SNX31: variants seen among roughly 807,000 people sequenced by gnomAD.
The protein encoded by SNX31 is sorting nexin-31.
A neutral mutation model predicts 65.4 loss-of-function variants in SNX31; 58 were observed. The observed-to-expected ratio is 0.89, with a 90% CI of 0.72 to 1.10. The LOEUF (loss-of-function observed/expected upper bound fraction) is 1.10, where lower values mean the gene tolerates loss of function less well. SNX31 is among the 50% of genes least tolerant of loss of function. SNX31 has a pLI of 0.00. For synonymous variants in SNX31, 181 were observed against 190.1 expected, an observed-to-expected ratio of 0.95 and a Z score of 0.39; for missense variants, 523 against 529.7, an observed-to-expected ratio of 0.99 and a Z score of 0.12.
chr8:100,657,895 TAACAACAACAAC>T (rs141104557), intron 1 of SNX31: 242 of 359,902 alleles, frequency 6.7e-4, no homozygotes, highest in African/African-American at 4.7e-3. Flanking sequence ...AAACAAAAAA[TAACAACAACAAC>T]AACAACAACA....
At chr8:100,657,919 C>A (rs929362649) in intron 1 of SNX31, 10 of 351,184 alleles carry the variant, frequency 2.8e-5, no homozygotes, top group Non-Finnish European at 4.4e-5. Context: ...ACAACAACAA[C>A]AAACAACTAA....
At chr8:100,600,232 A>T (rs1315133630) in intron 9 of SNX31, 117 bp downstream of exon 9, 3 of 774,176 alleles carry the variant, frequency 3.9e-6, no homozygotes, top group Non-Finnish European at 6.5e-6. Flanking sequence ...TTATTTTTTT[A>T]AAAAGAGCCC....
In SNX31 at chr8:100,588,133, AG is replaced by A. The variant is rs1221628089; in HGVS notation, c.1092+732del. Among the ~76,000 whole-genome samples the A allele has an allele frequency of 6.6e-6, 1 of 152,208 alleles. No individual in the cohort carries two copies. The highest frequency in any genetic ancestry group is 1.5e-5 in the Non-Finnish European group (1 of 68,036). On this transcript the variant is annotated intron_variant, in intron 11 of 13. Coordinates refer to ENST00000311812, the MANE Select transcript of SNX31 (RefSeq NM_152628.4). The surrounding 1 kb of genome is among the most constrained non-coding windows in gnomAD (Gnocchi z 4.8). Reference sequence around the variant, plus strand: ...GAAACATTAAAAAAAAACATAAAAAAGGTACAGTAAAAATACTGAGTTATAA... The same window carrying A: ...GAAACATTAAAAAAAAACATAAAAAAGTACAGTAAAAATACTGAGTTATAA...
chr8:100,618,423 A>G (rs889513767), intron 4 of SNX31: 9 of 1,008,782 alleles, frequency 8.9e-6, no homozygotes, highest in Non-Finnish European at 1.3e-5. Context: ...AGGTGTTTCC[A>G]TGTAGCAACC....
chr8:100,624,768 G>T (rs1233926456), intron 4 of SNX31, among the ~76,000 whole-genome samples: 2 of 152,036 alleles, frequency 1.3e-5, no homozygotes, highest in African/African-American at 2.4e-5. Flanking sequence ...GAATTGGCTT[G>T]TATAAAAAAA....
chr8:100,660,268 C>T lies in SNX31; in HGVS notation c.-58+2874G>A, dbSNP rs1022646027. 6.6e-6 allele frequency among the ~76,000 whole-genome samples: 1 copy of T among 152,190 alleles called. No homozygotes were observed. The highest frequency in any genetic ancestry group is 2.4e-5 in the African/African-American group (1 of 41,442). On this transcript the variant is annotated intron_variant, in intron 1 of 5. Coordinates refer to the SNX31 transcript ENST00000520352. This position sits in a 1 kb window ranked among gnomAD's most constrained non-coding sequence, Gnocchi z 4.1. ...TAGCAGTAGTAATAATAGTAGAATG[C>T]TGATTTTCAGATTAAAAAACTAAAG... is the stretch of plus-strand genomic sequence containing the variant.
At chr8:100,616,017 GC>G (rs1303263576) in intron 5 of SNX31, among the ~76,000 whole-genome samples, 3 of 151,970 alleles carry the variant, frequency 2.0e-5, no homozygotes, top group African/African-American at 7.3e-5. Flanking sequence ...CTCGTGATCC[GC>G]CCACCTTGGC....
chr8:100,607,373 A>G (rs1166618374), intron 8 of SNX31, among the ~76,000 whole-genome samples: 1 of 152,182 alleles, frequency 6.6e-6, no homozygotes, highest in African/African-American at 2.4e-5. Context: ...GCACCGGCTG[A>G]CCATTCCATG....
At position 100,629,187 on chromosome 8, in the gene SNX31, A is replaced by T. The variant is rs1818259997; in HGVS notation, c.321+1140T>A. Among the ~76,000 whole-genome samples, 1 of 152,200 alleles carries T rather than the reference A, an allele frequency of 6.6e-6. No individual in the cohort carries two copies. Among genetic ancestry groups the T allele is most frequent in the Non-Finnish European group, 1.5e-5 (1 of 68,036 alleles). On this transcript the variant is annotated intron_variant, in intron 4 of 13. Coordinates refer to ENST00000311812, the MANE Select transcript of SNX31 (RefSeq NM_152628.4). This position sits in a 1 kb window ranked among gnomAD's most constrained non-coding sequence, Gnocchi z 5.1. ...TATGTGTGCATGTACATATATATGT[A>T]TATATATGCATGCTTATATATGTGC...
chr8:100,606,449 C>T (rs1254011063), intron 8 of SNX31, among the ~76,000 whole-genome samples: 3 of 152,150 alleles, frequency 2.0e-5, no homozygotes, highest in Non-Finnish European at 4.4e-5. Flanking sequence ...TTTTGATTTG[C>T]CCTCTTAGAA....
At chr8:100,646,806 G>A (rs1196632616) in intron 2 of SNX31, among the ~76,000 whole-genome samples, 1 of 152,144 alleles carries the variant, frequency 6.6e-6, no homozygotes, top group African/African-American at 2.4e-5. Flanking sequence ...GTAAAAGTAT[G>A]TTAGTTTAGG....
At position 100,660,001 on chromosome 8, in the gene SNX31, G is replaced by A. The variant is rs970225972; in HGVS notation, c.-58+3141C>T. ...TATAATGAAAAAGATAATAATAGAA[G>A]GATTAACAATAGATAGAAAAATGAC... On this transcript the variant is annotated intron_variant, in intron 1 of 5. Transcript: ENST00000520352. The surrounding 1 kb of genome is among the most constrained non-coding windows in gnomAD (Gnocchi z 4.1). 1.8e-4 allele frequency among the ~76,000 whole-genome samples: 27 copies of A among 151,432 alleles called. No homozygotes were observed. Among genetic ancestry groups the A allele is most frequent in the Non-Finnish European group, 2.9e-4 (20 of 67,910 alleles).
At position 100,573,079 on chromosome 8, in the gene SNX31, A is replaced by G. The variant is rs1812770243; in HGVS notation, c.*786T>C. ...AAGCTAGATAAGGAAAAACCTTGTG[A>G]GAAAGTATACATATTTTTAAAGCTA... On this transcript the variant is annotated 3_prime_UTR_variant, in exon 14 of 14. Transcript: ENST00000311812. The G allele has an allele frequency of 6.6e-6, 1 of 152,584 alleles. No individual in the cohort carries two copies. 9.5% of individuals were successfully genotyped at this position (152,584 alleles called of 1,614,324 possible). A position where few individuals can be genotyped will look rare whatever the true frequency, so the allele number is the denominator to read the frequency against.
At chr8:100,623,481 C>T (rs1817841687) in intron 4 of SNX31, among the ~76,000 whole-genome samples, 1 of 152,176 alleles carries the variant, frequency 6.6e-6, no homozygotes, top group Non-Finnish European at 1.5e-5. Context: ...TCCACTTTCC[C>T]CAGGACTCCA....
intron 4 of SNX31, among the ~76,000 whole-genome samples, chr8:100,623,280 G>A (rs952379256): frequency 1.3e-5 from 2 of 152,122 alleles, no homozygotes; most frequent in African/African-American, 4.8e-5. Flanking sequence ...CTCACTCACT[G>A]TCATGAGAAC....
At chr8:100,635,100 C>T (rs1818668023) in intron 3 of SNX31, among the ~76,000 whole-genome samples, 1 of 151,488 alleles carries the variant, frequency 6.6e-6, no homozygotes, top group South Asian at 2.1e-4. Flanking sequence ...ACTGCTGAGA[C>T]ATTTAGGCTG....
At position 100,609,668 on chromosome 8, in the gene SNX31, T is replaced by C. The variant is rs1388390089; in HGVS notation, c.612-1105A>G. 1.3e-5 allele frequency among the ~76,000 whole-genome samples: 2 copies of C among 152,052 alleles called. No homozygotes were observed. The highest frequency in any genetic ancestry group is 1.5e-5 in the Non-Finnish European group (1 of 68,002). On this transcript the variant is annotated intron_variant, in intron 7 of 13. Coordinates refer to ENST00000311812, the MANE Select transcript of SNX31 (RefSeq NM_152628.4). This position sits in a 1 kb window ranked among gnomAD's most constrained non-coding sequence, Gnocchi z 4.9. ...GCTCAGAATAGGGTGAATAGACCAA[T>C]GGGGTTGGCTTAGACCAGGAAAGGG... is the stretch of plus-strand genomic sequence containing the variant.
At chr8:100,600,915 A>G (rs1020373773) in intron 8 of SNX31, among the ~76,000 whole-genome samples, 1 of 152,216 alleles carries the variant, frequency 6.6e-6, no homozygotes, top group Non-Finnish European at 1.5e-5. Context: ...AAGGAAAATG[A>G]TTGCATCATA....
At chr8:100,628,817 T>G (rs1161492252) in intron 4 of SNX31, among the ~76,000 whole-genome samples, 1 of 128,790 alleles carries the variant, frequency 7.8e-6, no homozygotes, top group Non-Finnish European at 1.7e-5. Flanking sequence ...AAAATGGGTG[T>G]GTGTGTGTGT....
Sources: gnomAD v4.1 joint callset for allele counts (sites outside exome capture counted in the v4.1 genomes callset) on GRCh38, gnomAD v4.1.1 for gene constraint, Gnocchi (gnomAD v3.1) non-coding constraint, MANE v1.5 for transcripts, NCBI Gene and HGNC (gene_info 2026-07-23, HGNC 2026-07-21) for gene names.